The following IPO7 variants were observed in gnomAD, a reference collection of about 807,000 sequenced individuals.
IPO7 encodes the protein importin-7.
Under a neutral mutation model 136.4 loss-of-function variants are expected in IPO7, and 13 were observed. That is an observed-to-expected ratio of 0.10 (90% CI 0.06 to 0.15). The LOEUF (loss-of-function observed/expected upper bound fraction) is 0.15, where lower values mean the gene tolerates loss of function less well. Among genes scored for constraint, IPO7 ranks in the 10% least tolerant of loss-of-function variants. IPO7 has a pLI of 1.00. For missense variants in IPO7, 857 were observed against 1,240.6 expected, an observed-to-expected ratio of 0.69 and a Z score of 4.65; for synonymous variants, 403 against 404.4, an observed-to-expected ratio of 1.00 and a Z score of 0.04.
At chr11:9,408,232 G>A (rs1240129820) in intron 2 of IPO7, among the ~76,000 whole-genome samples, 1 of 152,094 alleles carries the variant, frequency 6.6e-6, no homozygotes, top group Non-Finnish European at 1.5e-5. Context: ...AAAAAAAACA[G>A]TTTTCTCTGG....
At chr11:9,420,268 G>T in intron 6 of IPO7, 143 bp from the exon 7 acceptor site, 2 of 577,128 alleles carry the variant, frequency 3.5e-6, no homozygotes, top group South Asian at 4.7e-5. Context: ...AGTGAGCTGA[G>T]ATGGCAATAG....
At chr11:9,409,089 C>T (rs1393762346) in intron 3 of IPO7, among the ~76,000 whole-genome samples, 1 of 150,414 alleles carries the variant, frequency 6.6e-6, no homozygotes, top group South Asian at 2.1e-4. Flanking sequence ...CCAACAGATG[C>T]TGTTGTAGGA....
chr11:9,400,689 T>A (rs1854781627), intron 1 of IPO7, among the ~76,000 whole-genome samples: 1 of 152,072 alleles, frequency 6.6e-6, no homozygotes, highest in African/African-American at 2.4e-5. Context: ...CCTAAAGTGC[T>A]GGGATTACAG....
At chr11:9,428,845 T>C (rs758545796) in intron 13 of IPO7, 186 bp from the exon 14 acceptor site, 2 of 787,448 alleles carry the variant, frequency 2.5e-6, no homozygotes, top group East Asian at 2.4e-5. Context: ...CAGATCTTGC[T>C]ATCCACACAA....
intron 5 of IPO7, among the ~76,000 whole-genome samples, chr11:9,416,241 G>A (rs1855041353): frequency 6.6e-6 from 1 of 152,148 alleles, no homozygotes; most frequent in South Asian, 2.1e-4. Flanking sequence ...CTATTCCTTG[G>A]TTGGATTTTG....
chr11:9,428,945 C>A (rs780242367), intron 13 of IPO7, 86 bp from the exon 14 acceptor site: 35 of 1,236,714 alleles, frequency 2.8e-5, no homozygotes, highest in Non-Finnish European at 3.6e-5. Context: ...CTCCAAATTC[C>A]CACACACAGA....
rs747548116 is a variant in IPO7, at chr11:9,420,616, A to G, written c.824A>G (p.Tyr275Cys). Residue 275 changes from tyrosine (Y) to cysteine (C), a missense_variant and splice_region_variant, in exon 8 of 25, where the codon TAT becomes TGT. This residue lies in a region of IPO7 where 287 missense variants were observed against 307.5 expected (regional missense o/e 0.93). Transcript: ENST00000379719. The stretch of plus-strand genomic sequence containing the variant: ...TGGGCATTTTGATGTTCTTTTAGAT[A>G]TGGAAGCCCTGGCAATGTTTCCAAG... The part of the protein sequence containing the change: ...LHILARLFER[Y>C]GSPGNVSKEY... 6.2e-7 allele frequency: 1 copy of G among 1,610,942 alleles called. No homozygotes were observed. Among genetic ancestry groups the G allele is most frequent in the Non-Finnish European group, 8.5e-7 (1 of 1,177,288 alleles).
At chr11:9,401,309 CAG>C (rs1255001799) in intron 1 of IPO7, among the ~76,000 whole-genome samples, 9 of 151,670 alleles carry the variant, frequency 5.9e-5, no homozygotes, top group Middle Eastern at 3.4e-3. Context: ...GAGAATGAAA[CAG>C]AAAATATAGA....
chr11:9,400,858 G>A (rs1345148183), intron 1 of IPO7, among the ~76,000 whole-genome samples: 1 of 152,106 alleles, frequency 6.6e-6, no homozygotes, highest in Non-Finnish European at 1.5e-5. Context: ...ATAAGAATGT[G>A]TTTGCAGAGT....
chr11:9,418,937 G>A (rs1485764998), intron 6 of IPO7, among the ~76,000 whole-genome samples: 3 of 152,094 alleles, frequency 2.0e-5, no homozygotes, highest in African/African-American at 7.2e-5. Context: ...GTTGTATAGT[G>A]GTAGTTTATT....
intron 1 of IPO7, among the ~76,000 whole-genome samples, chr11:9,387,484 C>G (rs554035693): frequency 3.2e-4 from 48 of 152,228 alleles, no homozygotes; most frequent in Non-Finnish European, 6.0e-4. Flanking sequence ...TCTCCTTTCA[C>G]TTGTTTTTCT....
chr11:9,442,120 C>T lies in IPO7; in HGVS notation c.2942C>T (p.Thr981Ile), dbSNP rs1855466957. ...AATCCTGTGTGGTATCAGGCACTGA[C>T]TCACGGTCTTAATGAAGAACAAAGA... ...NRNPVWYQAL[T>I]HGLNEEQRKQ... Residue 981 changes from threonine to isoleucine, a missense_variant, in exon 24 of 25, where the codon ACT becomes ATT. By Grantham distance (89) the Thr-to-Ile change is moderately conservative (BLOSUM62 -1). Coordinates refer to ENST00000379719, the MANE Select transcript of IPO7 (RefSeq NM_006391.3). The T allele has an allele frequency of 6.2e-7, 1 of 1,607,178 alleles. No homozygotes were observed.
Position 9,446,250 on chromosome 11 carries a change from T to C in IPO7, c.*1056T>C, listed in dbSNP as rs1344353145. The stretch of plus-strand genomic sequence containing the variant: ...TATTATGTCTTGATTTGATTGCAGT[T>C]TTTTCCTAATTATAACAAATTTTTC... On this transcript the variant is annotated 3_prime_UTR_variant, in exon 25 of 25. Coordinates refer to ENST00000379719, the MANE Select transcript of IPO7 (RefSeq NM_006391.3). 2 of 152,220 alleles carry C rather than the reference T, an allele frequency of 1.3e-5. No individual in the cohort carries two copies. Among genetic ancestry groups the C allele is most frequent in the Non-Finnish European group, 2.9e-5 (2 of 68,040 alleles). 9.4% of individuals were successfully genotyped at this position (152,220 alleles called of 1,614,324 possible). A position where few individuals can be genotyped will look rare whatever the true frequency, so the allele number is the denominator to read the frequency against.
intron 1 of IPO7, among the ~76,000 whole-genome samples, chr11:9,394,887 AAGG>A (rs1854687468): frequency 1.3e-5 from 2 of 152,198 alleles, no homozygotes; most frequent in South Asian, 4.1e-4. Flanking sequence ...AGATAATGAG[AAGG>A]TTCAAAGATG....
At chr11:9,426,236 G>A (rs552239868) in intron 12 of IPO7, among the ~76,000 whole-genome samples, 2 of 152,034 alleles carry the variant, frequency 1.3e-5, no homozygotes, top group Non-Finnish European at 2.9e-5. Context: ...CTATGGATTT[G>A]TTTATTGTGG....
At position 9,430,963 on chromosome 11, in the gene IPO7, C is replaced by T; in HGVS notation, c.1841C>T (p.Thr614Ile). Residue 614 changes from threonine to isoleucine, a missense_variant, in exon 16 of 25, where the codon ACA becomes ATA. By Grantham distance (89) the Thr-to-Ile change is moderately conservative. This residue lies in a region of IPO7 where 58 missense variants were observed against 122.1 expected (regional missense o/e 0.47). Coordinates refer to ENST00000379719, the MANE Select transcript of IPO7 (RefSeq NM_006391.3). ...KAVTAMGILN[T>I]IDTLLSVVED... Reference sequence around the variant, plus strand: ...GTTACTGCTATGGGAATTCTGAATACAATTGATACACTTCTTAGTGTAGTT... The same window carrying T: ...GTTACTGCTATGGGAATTCTGAATATAATTGATACACTTCTTAGTGTAGTT... 1 of 1,611,138 alleles carries T rather than the reference C, an allele frequency of 6.2e-7. No homozygotes were observed. The highest frequency in any genetic ancestry group is 8.5e-7 in the Non-Finnish European group (1 of 1,177,456).
intron 12 of IPO7, among the ~76,000 whole-genome samples, chr11:9,427,157 A>G (rs570612144): frequency 1.2e-3 from 180 of 152,122 alleles, no homozygotes; most frequent in Non-Finnish European, 2.1e-3. Flanking sequence ...GCCCTTGCCC[A>G]TTTTTAATTG....
chr11:9,438,194 A>G lies in IPO7; in HGVS notation c.2604A>G (p.Leu868=), dbSNP rs1414601561. The G allele has an allele frequency of 6.2e-7, 1 of 1,612,276 alleles. No homozygotes were observed. Among genetic ancestry groups the G allele is most frequent in the African/African-American group, 1.3e-5 (1 of 74,368 alleles). ...SGQILPAFIL[L]FNGLKRAYAC... ...AGATTTTGCCGGCTTTTATCCTTTT[A>G]TTTAACGGATTGAAAAGAGCATATG... The change falls in exon 22 of 25, where the codon TTA becomes TTG. Residue 868 remains leucine (L), a synonymous_variant. Transcript: ENST00000379719.
In IPO7 at chr11:9,437,913, G is replaced by A. The variant is rs911547773; in HGVS notation, c.2428G>A (p.Val810Ile). 10 of 1,613,776 alleles carry A rather than the reference G, an allele frequency of 6.2e-6. 1 individual carries two copies. The highest frequency in any genetic ancestry group is 1.3e-5 in the African/African-American group (1 of 74,874). ...AGAAAATCTTCGCTTCCCTAATAAT[G>A]TTGAACCAGTTACAAATCATTTTAT... The part of the protein sequence containing the change: ...TLENLRFPNN[V>I]EPVTNHFITQ... The change falls in exon 21 of 25, where the codon GTT becomes ATT. Residue 810 changes from valine to isoleucine, a missense_variant. Transcript: ENST00000379719.
Sources: gnomAD v4.1 joint callset for allele counts (sites outside exome capture counted in the v4.1 genomes callset) on GRCh38, gnomAD v4.1.1 for gene constraint, gnomAD v4.1.1 regional missense constraint, MANE v1.5 for transcripts, NCBI Gene and HGNC (gene_info 2026-07-23, HGNC 2026-07-21) for gene names.